The following OSTF1 variants were observed in gnomAD, a reference collection of about 807,000 sequenced individuals.
The protein encoded by OSTF1 is osteoclast-stimulating factor 1.
A neutral mutation model predicts 37.2 loss-of-function variants in OSTF1; 27 were observed. The ratio of observed to expected loss-of-function variants is 0.73; its 90% confidence interval spans 0.54 to 1.00. The LOEUF is 1.00. Among genes scored for constraint, OSTF1 ranks in the 50% least tolerant of loss-of-function variants. The pLI is 0.00. For missense variants in OSTF1, 232 were observed against 253.8 expected, an observed-to-expected ratio of 0.91 and a Z score of 0.58; for synonymous variants, 82 against 89.2, an observed-to-expected ratio of 0.92 and a Z score of 0.46.
At chr9:75,111,339 C>G (rs919965520) in intron 1 of OSTF1, among the ~76,000 whole-genome samples, 1 of 152,142 alleles carries the variant, frequency 6.6e-6, no homozygotes, top group Non-Finnish European at 1.5e-5. Context: ...GAGGAAAATA[C>G]AGTGTTTGGC....
chr9:75,098,448 T>C (rs1825127810), intron 1 of OSTF1, among the ~76,000 whole-genome samples: 1 of 152,148 alleles, frequency 6.6e-6, no homozygotes, highest in Non-Finnish European at 1.5e-5. Flanking sequence ...CTTGTAGCTG[T>C]CTAGAGAAAG....
chr9:75,091,081 CTTT>C (rs35343834), intron 1 of OSTF1, among the ~76,000 whole-genome samples: 8 of 93,686 alleles, frequency 8.5e-5, no homozygotes, highest in Non-Finnish European at 8.0e-5. Context: ...GAAGTCTGCA[CTTT>C]TTTTTTTTTT....
At chr9:75,138,142 C>T (rs1825872751) in intron 8 of OSTF1, among the ~76,000 whole-genome samples, 1 of 152,160 alleles carries the variant, frequency 6.6e-6, no homozygotes, top group African/African-American at 2.4e-5. Flanking sequence ...CTGACTATCC[C>T]TTTATCCTTT....
chr9:75,092,607 A>G (rs546976493), intron 1 of OSTF1, among the ~76,000 whole-genome samples: 41 of 152,302 alleles, frequency 2.7e-4, no homozygotes, highest in African/African-American at 8.9e-4. Context: ...AAAAAGGTAA[A>G]CAATAAATAT....
At chr9:75,137,669 A>G (rs1026722693) in intron 8 of OSTF1, 53 bp downstream of exon 8, 28 of 1,101,484 alleles carry the variant, frequency 2.5e-5, no homozygotes, top group Admixed American at 1.0e-4. Flanking sequence ...AAAATAGTCT[A>G]TATCAACTTA....
intron 1 of OSTF1, among the ~76,000 whole-genome samples, chr9:75,096,201 C>T (rs1438036055): frequency 2.0e-5 from 3 of 152,118 alleles, no homozygotes; most frequent in Admixed American, 6.6e-5. Context: ...CATGCCCCCT[C>T]CTTTTTATTC....
intron 4 of OSTF1, 46 bp downstream of exon 4, chr9:75,130,687 T>A (rs1412064298): frequency 7.5e-7 from 1 of 1,340,302 alleles, no homozygotes; most frequent in East Asian, 2.3e-5. Flanking sequence ...TCACTTGGAA[T>A]TTTTTGGTTC....
chr9:75,102,387 A>C (rs1374151563), intron 1 of OSTF1, among the ~76,000 whole-genome samples: 3 of 152,216 alleles, frequency 2.0e-5, no homozygotes, highest in African/African-American at 7.2e-5. Context: ...GTAGGTAGTA[A>C]AGTCAGTAAA....
At chr9:75,122,905 A>G (rs1364983307) in intron 2 of OSTF1, among the ~76,000 whole-genome samples, 3 of 152,236 alleles carry the variant, frequency 2.0e-5, no homozygotes, top group Non-Finnish European at 4.4e-5. Flanking sequence ...CAAATCTTAA[A>G]AATTTCAAAA....
At chr9:75,135,179 A>G (rs931637011) in intron 7 of OSTF1, among the ~76,000 whole-genome samples, 3 of 152,204 alleles carry the variant, frequency 2.0e-5, no homozygotes, top group Non-Finnish European at 4.4e-5. Context: ...TTCCTGAGAA[A>G]GAGAAGCTTG....
intron 9 of OSTF1, among the ~76,000 whole-genome samples, chr9:75,144,178 ACTT>A (rs1825985722): frequency 6.6e-6 from 1 of 152,164 alleles, no homozygotes; most frequent in African/African-American, 2.4e-5. Context: ...TATTCCTCCC[ACTT>A]CTTGTGAACT....
intron 1 of OSTF1, among the ~76,000 whole-genome samples, chr9:75,116,918 G>A (rs1389770109): frequency 2.0e-5 from 3 of 151,984 alleles, no homozygotes; most frequent in Non-Finnish European, 4.4e-5. Context: ...TGTGGAAAAG[G>A]CACTCAATTC....
At chr9:75,107,211 T>C (rs962194047) in intron 1 of OSTF1, among the ~76,000 whole-genome samples, 1 of 131,448 alleles carries the variant, frequency 7.6e-6, no homozygotes, top group Admixed American at 7.5e-5. Context: ...GGACTCCCCC[T>C]GTTTTGTTTT....
chr9:75,109,421 G>T (rs752779248), intron 1 of OSTF1, among the ~76,000 whole-genome samples: 1 of 152,220 alleles, frequency 6.6e-6, no homozygotes, highest in African/African-American at 2.4e-5. Flanking sequence ...GCCAAAAAAT[G>T]TGTATTTGGT....
chr9:75,107,487 T>G (rs1290255613), intron 1 of OSTF1, among the ~76,000 whole-genome samples: 1 of 152,232 alleles, frequency 6.6e-6, no homozygotes, highest in African/African-American at 2.4e-5. Context: ...TTTTGAGAGC[T>G]CTAAGATTGC....
chr9:75,120,885 G>A (rs1313614933), intron 2 of OSTF1, among the ~76,000 whole-genome samples: 1 of 152,148 alleles, frequency 6.6e-6, no homozygotes, highest in Non-Finnish European at 1.5e-5. Context: ...CCATGGCCCT[G>A]TCCCTTCCAA....
intron 1 of OSTF1, among the ~76,000 whole-genome samples, chr9:75,091,428 C>CA (rs1824973736): frequency 6.6e-6 from 1 of 152,116 alleles, no homozygotes; most frequent in Admixed American, 6.6e-5. Context: ...CACTGGCGGT[C>CA]AAATGTGTAT....
At chr9:75,126,081 T>G (rs574897889) in intron 2 of OSTF1, among the ~76,000 whole-genome samples, 16 of 152,106 alleles carry the variant, frequency 1.1e-4, no homozygotes, top group African/African-American at 3.4e-4. Flanking sequence ...GGCACATTTT[T>G]TGTGTGTGTT....
At chr9:75,112,825 C>G (rs953576919) in intron 1 of OSTF1, among the ~76,000 whole-genome samples, 2 of 152,318 alleles carry the variant, frequency 1.3e-5, no homozygotes, top group South Asian at 2.1e-4. Context: ...CTCAAAGGAA[C>G]AAGAAAGTTC....
Sources: gnomAD v4.1 joint callset for allele counts (sites outside exome capture counted in the v4.1 genomes callset) on GRCh38, gnomAD v4.1.1 for gene constraint, MANE v1.5 for transcripts, NCBI Gene and HGNC (gene_info 2026-07-23, HGNC 2026-07-21) for gene names.